Variants in KIF27 observed in about 807,000 individuals in gnomAD.
KIF27 encodes kinesin family member 27, also known as kinesin-like protein KIF27.
A neutral mutation model predicts 141.8 loss-of-function variants in KIF27; 84 were observed. The observed-to-expected ratio is 0.59, with a 90% confidence interval of 0.50 to 0.71. KIF27 has a LOEUF of 0.71. Ranked by LOEUF, KIF27 falls within the 30% of genes least tolerant of loss-of-function variation. The pLI is 0.00. For missense variants in KIF27, 1,306 were observed against 1,628.4 expected, an observed-to-expected ratio of 0.80 and a Z score of 3.41; for synonymous variants, 471 against 569.5, an observed-to-expected ratio of 0.83 and a Z score of 2.46.
chr9:83,890,595 C>A (rs1411185344), intron 6 of KIF27, among the ~76,000 whole-genome samples: 1 of 152,176 alleles, frequency 6.6e-6, no homozygotes, highest in East Asian at 1.9e-4. Flanking sequence ...CCACCCAAGG[C>A]TGCCTGATGC....
chr9:83,897,840 T>C (rs909870296), intron 5 of KIF27, among the ~76,000 whole-genome samples: 1 of 151,804 alleles, frequency 6.6e-6, no homozygotes, highest in Admixed American at 6.6e-5. Context: ...CAAAAACATA[T>C]GAAAAAAATG....
chr9:83,917,086 A>C (rs986113716), intron 1 of KIF27, among the ~76,000 whole-genome samples: 16 of 151,954 alleles, frequency 1.1e-4, no homozygotes, highest in African/African-American at 3.9e-4. Context: ...GCACCCATTA[A>C]CTTGTCATTT....
chr9:83,876,537 C>G (rs969010960), intron 11 of KIF27, among the ~76,000 whole-genome samples: 1 of 152,090 alleles, frequency 6.6e-6, no homozygotes, highest in Admixed American at 6.5e-5. Context: ...TTCCAATGGC[C>G]TTTTTTGCAG....
intron 14 of KIF27, chr9:83,858,811 A>G (rs925273273): frequency 1.4e-5 from 4 of 284,274 alleles, no homozygotes; most frequent in African/African-American, 6.5e-5. Flanking sequence ...GAGAAAAGTC[A>G]GGTGCCCTCC....
At chr9:83,855,084 G>T (rs1377470519) in intron 14 of KIF27, 1 of 152,070 alleles carries the variant, frequency 6.6e-6, no homozygotes, top group Non-Finnish European at 1.5e-5. Flanking sequence ...ATCCAGGCTG[G>T]AGTGCAGTGG....
chr9:83,873,832 A>ACG, intron 11 of KIF27, among the ~76,000 whole-genome samples: 1 of 152,226 alleles, frequency 6.6e-6, no homozygotes, highest in East Asian at 1.9e-4. Flanking sequence ...GGTAGATCAC[A>ACG]AGGTCAGGAG....
chr9:83,842,762 G>A (rs186264782), intron 16 of KIF27, among the ~76,000 whole-genome samples: 31 of 152,164 alleles, frequency 2.0e-4, no homozygotes, highest in Admixed American at 7.9e-4. Context: ...CACCGTGCCC[G>A]GCTGCAAAAT....
At position 83,908,515 on chromosome 9, in the gene KIF27, G is replaced by T; in HGVS notation, c.436C>A (p.Leu146Ile). The change falls in exon 3 of 18, where the codon CTT becomes ATT. Residue 146 changes from leucine (L) to isoleucine (I), a missense_variant. Around this residue, in one of 4 missense-constraint regions of KIF27, gnomAD observed 533 missense variants for 565.6 expected, o/e 0.94. Transcript: ENST00000297814. ...TTCATGGATGTCTCCAATTCTAGAA[G>T]ATCTCTTAGGTCTTCCTTGTACACT... ...IEVYKEDLRD[L>I]LELETSMKDL... is the part of the protein sequence containing the mutation. 6.2e-7 allele frequency: 1 copy of T among 1,612,484 alleles called. No individual in the cohort carries two copies. The highest frequency in any genetic ancestry group is 8.5e-7 in the Non-Finnish European group (1 of 1,178,938).
At chr9:83,893,750 G>A (rs1293456554) in intron 5 of KIF27, among the ~76,000 whole-genome samples, 2 of 151,914 alleles carry the variant, frequency 1.3e-5, no homozygotes, top group Non-Finnish European at 2.9e-5. Flanking sequence ...AAATAATAAA[G>A]GGCAGAAATT....
intron 9 of KIF27, among the ~76,000 whole-genome samples, chr9:83,886,039 C>A (rs1387008633): frequency 6.6e-6 from 1 of 151,506 alleles, no homozygotes; most frequent in East Asian, 1.9e-4. Context: ...GACATATGTG[C>A]TATGCATCAT....
chr9:83,906,899 G>A (rs182934575), intron 3 of KIF27, among the ~76,000 whole-genome samples: 211 of 152,110 alleles, frequency 1.4e-3, no homozygotes, highest in Admixed American at 4.3e-3. Flanking sequence ...TCATAAGTAT[G>A]AAAAATATTT....
At chr9:83,862,579 C>T (rs1362980662) in intron 13 of KIF27, among the ~76,000 whole-genome samples, 1 of 152,116 alleles carries the variant, frequency 6.6e-6, no homozygotes, top group African/African-American at 2.4e-5. Flanking sequence ...TTACTGTAGC[C>T]TTGTAGTATA....
intron 2 of KIF27, 28 bp from the exon 3 acceptor site, chr9:83,908,680 C>A: frequency 1.4e-6 from 2 of 1,452,202 alleles, no homozygotes; most frequent in Non-Finnish European, 1.9e-6. Context: ...GAAAGCACAT[C>A]TGGAACTTAA....
At chr9:83,920,807 G>A (rs187736042) in intron 1 of KIF27, among the ~76,000 whole-genome samples, 11 of 152,184 alleles carry the variant, frequency 7.2e-5, no homozygotes, top group Admixed American at 2.0e-4. Flanking sequence ...GGGCTTGAAT[G>A]TGCCCAAGGT....
chr9:83,852,287 A>C (rs1948691991), intron 15 of KIF27, among the ~76,000 whole-genome samples: 2 of 151,418 alleles, frequency 1.3e-5, no homozygotes, highest in South Asian at 4.2e-4. Flanking sequence ...TCTACTAAAA[A>C]AAAAATACAA....
At chr9:83,847,297 A>G (rs906151640) in intron 16 of KIF27, among the ~76,000 whole-genome samples, 2 of 152,244 alleles carry the variant, frequency 1.3e-5, no homozygotes, top group African/African-American at 4.8e-5. Flanking sequence ...GTTTGTGCAC[A>G]TATACACTTG....
chr9:83,843,627 T>A (rs1165554415), intron 16 of KIF27, among the ~76,000 whole-genome samples: 2 of 152,246 alleles, frequency 1.3e-5, no homozygotes, highest in South Asian at 2.1e-4. Flanking sequence ...TATGTCATAT[T>A]AATCAACTTA....
intron 15 of KIF27, among the ~76,000 whole-genome samples, chr9:83,851,587 C>G (rs1948595988): frequency 1.3e-5 from 2 of 152,110 alleles, no homozygotes; most frequent in South Asian, 4.1e-4. Flanking sequence ...AATTCCTGGC[C>G]TCAAGTGATC....
intron 16 of KIF27, among the ~76,000 whole-genome samples, chr9:83,846,822 A>G (rs1443843553): frequency 6.6e-6 from 1 of 152,184 alleles, no homozygotes; most frequent in Non-Finnish European, 1.5e-5. Context: ...TGATTCCATT[A>G]AACTGAAAGT....
Sources: allele counts gnomAD v4.1 joint callset (sites outside exome capture counted in the v4.1 genomes callset), GRCh38; gene constraint gnomAD v4.1.1; regional missense constraint gnomAD v4.1.1; transcripts MANE v1.5; gene names NCBI Gene and HGNC (gene_info 2026-07-23, HGNC 2026-07-21).